Variants in GAGE13 observed in about 807,000 individuals in gnomAD.
The protein encoded by GAGE13 is G antigen 13.
intron 3 of GAGE13, among the ~76,000 whole-genome samples, chrX:49,334,908 T>C (rs2066478794): frequency 1.3e-5 from 1 of 76,806 alleles, no homozygotes; most frequent in African/African-American, 3.8e-5. Context: ...GATATCTGTA[T>C]TTTTTACCAC....
At position 49,335,082 on chromosome X, in the gene GAGE13, C is replaced by T. The variant is rs1247190344; in HGVS notation, c.206-1165C>T. 1.4e-3 allele frequency among the ~76,000 whole-genome samples: 145 copies of T among 100,782 alleles called. 1 individual carries two copies. The highest frequency in any genetic ancestry group is 2.8e-3 in the Admixed American group (26 of 9,227). The allele number at this position is 100,782 out of a possible 115,157, so 87.5% of individuals were successfully genotyped here. On this transcript the variant is annotated intron_variant, in intron 3 of 4. Coordinates refer to ENST00000612958, the MANE Select transcript of GAGE13 (RefSeq NM_001098412.4). ...GGATTCACCAATTGTTAATAGCTTT[C>T]GCTTCATCAGTTTCACATCTCTTCC...
chrX:49,337,694 T>G (rs1240012370), intron 4 of GAGE13, among the ~76,000 whole-genome samples: 1 of 62,652 alleles, frequency 1.6e-5, no homozygotes. Context: ...TGTTATACTT[T>G]AAGTTTTAGG....
intron 1 of GAGE13, among the ~76,000 whole-genome samples, 188 bp downstream of exon 1, chrX:49,331,877 G>A (rs1166788963): frequency 1.3e-5 from 1 of 78,251 alleles, no homozygotes; most frequent in Admixed American, 1.3e-4. Context: ...GGGCCTGGAC[G>A]GGGAGGAAGG....
intron 1 of GAGE13, among the ~76,000 whole-genome samples, chrX:49,332,101 G>A (rs1268702289): frequency 2.5e-5 from 2 of 80,925 alleles, no homozygotes; most frequent in Admixed American, 2.5e-4. Context: ...TGTGGAGTGC[G>A]GAGCGCCCGA....
intron 1 of GAGE13, among the ~76,000 whole-genome samples, chrX:49,332,444 T>C (rs2066467888): frequency 9.0e-6 from 1 of 111,046 alleles, no homozygotes; most frequent in South Asian, 3.9e-4. Flanking sequence ...ATCACGCCGC[T>C]GCACTCCAGC....
chrX:49,335,260 C>G (rs1386245735), intron 3 of GAGE13, among the ~76,000 whole-genome samples: 1 of 103,739 alleles, frequency 9.6e-6, no homozygotes, highest in Non-Finnish European at 2.0e-5. Flanking sequence ...TGTATATCGT[C>G]AGAACAAAGA....
chrX:49,335,473 A>G (rs1157248843), intron 3 of GAGE13, among the ~76,000 whole-genome samples: 1 of 107,959 alleles, frequency 9.3e-6, no homozygotes, highest in Non-Finnish European at 2.0e-5. Context: ...ATCTCGGCTC[A>G]CTGCAACCCA....
intron 1 of GAGE13, among the ~76,000 whole-genome samples, chrX:49,331,973 A>T (rs1232829756): frequency 6.2e-5 from 5 of 80,497 alleles, no homozygotes. Flanking sequence ...GGTGCCGGGA[A>T]CCCCCGACGA....
chrX:49,332,176 C>T (rs2066466340), intron 1 of GAGE13, among the ~76,000 whole-genome samples: 1 of 80,827 alleles, frequency 1.2e-5, no homozygotes, highest in East Asian at 3.5e-4. Flanking sequence ...AAGGAGTGGG[C>T]GAGGCAGTGC....
chrX:49,332,975 A>AT (rs1265532510), intron 2 of GAGE13, among the ~76,000 whole-genome samples, 154 bp downstream of exon 2: 1 of 72,533 alleles, frequency 1.4e-5, no homozygotes, highest in Non-Finnish European at 3.5e-5. Flanking sequence ...ATTCTGGAGG[A>AT]TTTTTTTTTT....
intron 3 of GAGE13, among the ~76,000 whole-genome samples, chrX:49,335,490 C>T (rs1185328672): frequency 1.9e-5 from 2 of 107,365 alleles, no homozygotes; most frequent in Admixed American, 2.0e-4. Flanking sequence ...CCCACACCTC[C>T]CAGGTTCTAG....
intron 3 of GAGE13, among the ~76,000 whole-genome samples, chrX:49,333,794 A>G (rs2066476439): frequency 9.9e-5 from 2 of 20,134 alleles, no homozygotes; most frequent in Admixed American, 7.7e-4. Context: ...AATGCTTAAA[A>G]CTCAAAAGGC....
chrX:49,335,404 T>G (rs2066481886), intron 3 of GAGE13, among the ~76,000 whole-genome samples: 1 of 111,819 alleles, frequency 8.9e-6, no homozygotes, highest in African/African-American at 3.2e-5. Context: ...TTTTCCTTTT[T>G]TTTTTCTTTG....
chrX:49,335,497 C>T (rs1212980882), intron 3 of GAGE13, among the ~76,000 whole-genome samples: 1 of 106,308 alleles, frequency 9.4e-6, no homozygotes, highest in Admixed American at 1.0e-4. Flanking sequence ...CTCCCAGGTT[C>T]TAGGGATTCT....
chrX:49,335,465 C>G (rs1470378394), intron 3 of GAGE13, among the ~76,000 whole-genome samples: 1 of 109,219 alleles, frequency 9.2e-6, no homozygotes, highest in African/African-American at 3.2e-5. Context: ...GTAGTGCGAT[C>G]TCGGCTCACT....
At chrX:49,337,546 C>T (rs2066488075) in intron 4 of GAGE13, among the ~76,000 whole-genome samples, 2 of 31,123 alleles carry the variant, frequency 6.4e-5, no homozygotes, top group Non-Finnish European at 1.5e-4. Flanking sequence ...AGCCACCGTG[C>T]CTGACTACAT....
At chrX:49,332,926 CAT>C (rs2066471000) in intron 2 of GAGE13, 105 bp downstream of exon 2, 1 of 533,103 alleles carries the variant, frequency 1.9e-6, no homozygotes, top group Non-Finnish European at 2.8e-6. Flanking sequence ...CTTTCCTGCT[CAT>C]AAAAAATGAT....
At chrX:49,335,177 A>C (rs1463071609) in intron 3 of GAGE13, among the ~76,000 whole-genome samples, 1 of 107,148 alleles carries the variant, frequency 9.3e-6, no homozygotes, top group Non-Finnish European at 1.9e-5. Flanking sequence ...ATATATGTTT[A>C]CTGTTATTAA....
chrX:49,331,915 G>T lies in GAGE13; in HGVS notation c.-9+226G>T, dbSNP rs1322826774. Reference sequence around the variant, plus strand: ...GGCCGTGGAGGGGAGGCGGTCAGGGGCTCAGGTGAAGACGGGGTGAGTGCT... The same window carrying T: ...GGCCGTGGAGGGGAGGCGGTCAGGGTCTCAGGTGAAGACGGGGTGAGTGCT... On this transcript the variant is annotated intron_variant, in intron 1 of 4. Transcript: ENST00000612958. Among the ~76,000 whole-genome samples the T allele has an allele frequency of 7.5e-4, 60 of 79,540 alleles. No homozygotes were observed. In the South Asian group the frequency reaches 9.5e-3, roughly 13 times the overall value. The allele number at this position is 79,540 out of a possible 115,157, so 69.1% of individuals were successfully genotyped here.
Sources: gnomAD v4.1 joint callset for allele counts (sites outside exome capture counted in the v4.1 genomes callset) on GRCh38, gnomAD v4.1.1 for gene constraint, MANE v1.5 for transcripts, NCBI Gene and HGNC (gene_info 2026-07-23, HGNC 2026-07-21) for gene names.